LRRTM4: variants seen among roughly 807,000 people sequenced by gnomAD.
LRRTM4 encodes leucine rich repeat transmembrane neuronal 4.
A neutral mutation model predicts 47.6 loss-of-function variants in LRRTM4; 25 were observed. The observed-to-expected ratio is 0.53, with a 90% confidence interval of 0.38 to 0.73. LRRTM4 has a LOEUF of 0.73. Ranked by LOEUF, LRRTM4 falls within the 30% of genes least tolerant of loss-of-function variation. The pLI, the probability that LRRTM4 is intolerant of heterozygous loss-of-function variation, is 0.00. For synonymous variants in LRRTM4, 311 were observed against 269.5 expected (o/e 1.15, Z -1.51); for missense variants, 638 against 713.4 (o/e 0.89, Z 1.20).
intron 3 of LRRTM4, among the ~76,000 whole-genome samples, chr2:77,055,673 A>G (rs1679579468): frequency 6.6e-6 from 1 of 152,114 alleles, no homozygotes; most frequent in African/African-American, 2.4e-5. Flanking sequence ...CATTTGACCC[A>G]GCCATCCCAT....
At chr2:77,083,783 CTTT>C (rs386390525) in intron 3 of LRRTM4, among the ~76,000 whole-genome samples, 12 of 52,382 alleles carry the variant, frequency 2.3e-4, no homozygotes, top group South Asian at 6.8e-4. Context: ...ACTGGACACA[CTTT>C]TTTTTTTTTT....
intron 3 of LRRTM4, among the ~76,000 whole-genome samples, chr2:77,208,719 C>T (rs1380618831): frequency 6.6e-6 from 1 of 151,828 alleles, no homozygotes; most frequent in Admixed American, 6.6e-5. Flanking sequence ...AAGTGTGAGA[C>T]CAGAGGTTTA....
intron 3 of LRRTM4, among the ~76,000 whole-genome samples, chr2:76,965,859 A>G (rs2103924685): frequency 1.3e-5 from 2 of 151,630 alleles, no homozygotes; most frequent in African/African-American, 4.8e-5. Context: ...AGTACTAATT[A>G]TCATCCCTAT....
At chr2:76,784,999 A>C (rs150271684) in intron 3 of LRRTM4, among the ~76,000 whole-genome samples, 4 of 152,082 alleles carry the variant, frequency 2.6e-5, no homozygotes, top group South Asian at 2.1e-4. Flanking sequence ...ATTTTATCCA[A>C]ATTTCATATG....
At chr2:76,947,918 A>G (rs1199282617) in intron 3 of LRRTM4, among the ~76,000 whole-genome samples, 5 of 151,906 alleles carry the variant, frequency 3.3e-5, no homozygotes, top group Admixed American at 1.3e-4. Flanking sequence ...AAAAGAAATT[A>G]GAAGCTGCCC....
chr2:77,511,606 AATAC>A (rs1678999795), intron 3 of LRRTM4, among the ~76,000 whole-genome samples: 2 of 152,006 alleles, frequency 1.3e-5, no homozygotes, highest in African/African-American at 4.8e-5. Context: ...ATTTTAAGCA[AATAC>A]ATAATAAGGT....
chr2:77,419,095 G>C (rs1039019784), intron 3 of LRRTM4, among the ~76,000 whole-genome samples: 1 of 152,016 alleles, frequency 6.6e-6, no homozygotes, highest in African/African-American at 2.4e-5. Context: ...ACAATATATA[G>C]TAGACACAAT....
chr2:77,097,448 C>A (rs1033997190), intron 3 of LRRTM4, among the ~76,000 whole-genome samples: 2 of 151,940 alleles, frequency 1.3e-5, no homozygotes, highest in African/African-American at 4.8e-5. Context: ...TGAAATTAAG[C>A]TTGTGCCAAT....
chr2:76,943,518 T>A (rs1675221291), intron 3 of LRRTM4, among the ~76,000 whole-genome samples: 1 of 152,202 alleles, frequency 6.6e-6, no homozygotes, highest in South Asian at 2.1e-4. Context: ...AAAGACTCAC[T>A]GGCAACAGTT....
At chr2:76,767,239 A>T (rs1247696564) in intron 3 of LRRTM4, among the ~76,000 whole-genome samples, 1 of 152,212 alleles carries the variant, frequency 6.6e-6, no homozygotes, top group Non-Finnish European at 1.5e-5. Flanking sequence ...ATTTATATGG[A>T]CGTTTAACAT....
At position 76,982,106 on chromosome 2, in the gene LRRTM4, G is replaced by T. The variant is rs993171813; in HGVS notation, c.1552-233190C>A. Among the ~76,000 whole-genome samples, 4 of 151,992 alleles carry T rather than the reference G, an allele frequency of 2.6e-5. No individual in the cohort carries two copies. In the East Asian group the frequency reaches 7.8e-4, roughly 30 times the overall value. ...TTAACCCTAGGCCATACTCTACTAT[G>T]TGTCCATGGATATTGTTATGATCTA... On this transcript the variant is annotated intron_variant, in intron 3 of 3. Transcript: ENST00000409884.
chr2:77,495,694 T>C (rs570140446), intron 3 of LRRTM4, among the ~76,000 whole-genome samples: 1 of 152,128 alleles, frequency 6.6e-6, no homozygotes, highest in Admixed American at 6.6e-5. Context: ...GTTGTCCATA[T>C]ATGTGTGGGT....
intron 3 of LRRTM4, among the ~76,000 whole-genome samples, chr2:77,069,920 C>A (rs113222835): frequency 6.6e-6 from 1 of 152,194 alleles, no homozygotes; most frequent in Admixed American, 6.5e-5. Context: ...GTTGAAAACA[C>A]TTGCCTGTAA....
rs571954079 is a variant in LRRTM4, at chr2:77,167,643, C to T, written c.1551+350675G>A. The stretch of plus-strand genomic sequence containing the variant: ...AGCCATAAAAAATGATGAGTTCATG[C>T]CCTTTGTAGGGACATGGATGAAGCT... On this transcript the variant is annotated intron_variant, in intron 3 of 3. Transcript: ENST00000409884. Among the ~76,000 whole-genome samples the T allele has an allele frequency of 7.9e-5, 12 of 152,088 alleles. No homozygotes were observed. In the South Asian group the frequency reaches 1.2e-3, roughly 16 times the overall value.
chr2:77,237,177 T>G (rs1675124894), intron 3 of LRRTM4, among the ~76,000 whole-genome samples: 1 of 151,774 alleles, frequency 6.6e-6, no homozygotes, highest in Non-Finnish European at 1.5e-5. Flanking sequence ...ATTTTTTTTT[T>G]TTTTGGTTGC....
chr2:77,009,330 T>C (rs1677781414), intron 3 of LRRTM4: 1 of 152,162 alleles, frequency 6.6e-6, no homozygotes, highest in African/African-American at 2.4e-5. Context: ...TTGTTTACCA[T>C]GGGAGGTTTG....
intron 3 of LRRTM4, among the ~76,000 whole-genome samples, chr2:76,812,939 C>T (rs560961195): frequency 1.5e-4 from 23 of 151,808 alleles, no homozygotes; most frequent in Non-Finnish European, 2.6e-4. Flanking sequence ...ATTGTGAGAA[C>T]GTTTGCCCAT....
At chr2:77,086,498 A>C (rs1680720867) in intron 3 of LRRTM4, among the ~76,000 whole-genome samples, 1 of 146,760 alleles carries the variant, frequency 6.8e-6, no homozygotes, top group African/African-American at 2.5e-5. Context: ...TTTTTTTGAA[A>C]TGGAGTTTCG....
At chr2:76,784,413 C>T (rs1001965950) in intron 3 of LRRTM4, among the ~76,000 whole-genome samples, 4 of 151,872 alleles carry the variant, frequency 2.6e-5, no homozygotes, top group Non-Finnish European at 5.9e-5. Flanking sequence ...TACTATGCTA[C>T]CATTAAAATA....
Sources: gnomAD v4.1 joint callset for allele counts (sites outside exome capture counted in the v4.1 genomes callset) on GRCh38, gnomAD v4.1.1 for gene constraint, MANE v1.5 for transcripts, NCBI Gene and HGNC (gene_info 2026-07-23, HGNC 2026-07-21) for gene names.